PPP2R2B: variants seen among roughly 807,000 people sequenced by gnomAD.
The protein encoded by PPP2R2B is protein phosphatase 2 regulatory subunit Bbeta.
PPP2R2B carries 5 observed loss-of-function variants against 46.0 expected under a neutral mutation model. The ratio of observed to expected loss-of-function variants is 0.11; its 90% CI spans 0.06 to 0.23. The LOEUF (loss-of-function observed/expected upper bound fraction) is 0.23. Ranked by LOEUF, PPP2R2B falls within the 10% of genes least tolerant of loss-of-function variation. The pLI, the probability that PPP2R2B is intolerant of heterozygous loss-of-function variation, is 1.00. For missense variants in PPP2R2B, 367 were observed against 575.0 expected (o/e 0.64, Z 3.70); for synonymous variants, 215 against 206.7 (o/e 1.04, Z -0.34).
chr5:146,723,316 C>T (rs555007755), intron 2 of PPP2R2B, among the ~76,000 whole-genome samples: 7 of 152,144 alleles, frequency 4.6e-5, no homozygotes, highest in Non-Finnish European at 5.9e-5. Context: ...TGCTACATCC[C>T]GTCAGTCATT....
intron 1 of PPP2R2B, among the ~76,000 whole-genome samples, chr5:146,974,606 G>A (rs1752811781): frequency 6.6e-6 from 1 of 151,958 alleles, no homozygotes. Context: ...CATAATCCTA[G>A]GCACAAACTA....
chr5:146,590,125 C>T lies in PPP2R2B; in HGVS notation c.1154G>A (p.Arg385Gln), dbSNP rs772255940. The change falls in exon 10 of 10, where the codon CGG (arginine) becomes CAG (glutamine). Residue 385 changes from arginine (R) to glutamine (Q), a missense_variant. Arg to Gln is a conservative substitution (Grantham distance 43). Around this residue, in one of 2 missense-constraint regions of PPP2R2B, gnomAD observed 361 missense variants for 545.5 expected, o/e 0.66. Transcript: ENST00000394411. ...CACTTTTCGGGGTTTGAGGATAGCC[C>T]GGGGCTTGCTGTTTTCCCTCGAAGC... ...LEASRENSKP[R>Q]AILKPRKVCV... 17 of 1,614,062 alleles carry T rather than the reference C, an allele frequency of 1.1e-5. No individual in the cohort carries two copies. Among genetic ancestry groups the T allele is most frequent in the South Asian group, 1.1e-5 (1 of 91,070 alleles).
chr5:146,683,514 T>C (rs1034150543), intron 5 of PPP2R2B, among the ~76,000 whole-genome samples: 1 of 152,198 alleles, frequency 6.6e-6, no homozygotes, highest in African/African-American at 2.4e-5. Flanking sequence ...TAGGTTTATC[T>C]TGAAGATTAA....
At position 146,620,555 on chromosome 5, in the gene PPP2R2B, T is replaced by C. The variant is rs77333112; in HGVS notation, c.790+17696A>G. On this transcript the variant is annotated intron_variant, in intron 7 of 9. Transcript: ENST00000394411. ...TTTATGAGCGCTCATATTTGGTCTTTCACTCTCTGCAAGGTTGGTGAGTGG... is the reference window on the plus strand; with the variant it reads ...TTTATGAGCGCTCATATTTGGTCTTCCACTCTCTGCAAGGTTGGTGAGTGG... Among the ~76,000 whole-genome samples, 1,195 of 152,270 alleles carry C rather than the reference T, an allele frequency of 7.8e-3. 19 individuals are homozygous for C. Among genetic ancestry groups the C allele is most frequent in the African/African-American group, 0.027 (1,129 of 41,552 alleles).
At chr5:146,691,386 A>C (rs1371943055) in intron 4 of PPP2R2B, 146 bp from the exon 5 acceptor site, 2 of 615,778 alleles carry the variant, frequency 3.2e-6, no homozygotes, top group East Asian at 5.6e-5. Context: ...GGCGTGCATA[A>C]ATCCCATGTC....
intron 1 of PPP2R2B, among the ~76,000 whole-genome samples, chr5:146,947,071 G>T (rs1240503122): frequency 6.6e-6 from 1 of 152,060 alleles, no homozygotes; most frequent in African/African-American, 2.4e-5. Context: ...ATCTACACAA[G>T]GTCAGTAATC....
chr5:146,808,269 G>T (rs1757310440), intron 2 of PPP2R2B, among the ~76,000 whole-genome samples: 1 of 152,148 alleles, frequency 6.6e-6, no homozygotes, highest in Non-Finnish European at 1.5e-5. Flanking sequence ...TGCACTAGAT[G>T]ACATTTCAAG....
At chr5:146,674,169 C>T (rs1777559517) in intron 5 of PPP2R2B, among the ~76,000 whole-genome samples, 2 of 152,278 alleles carry the variant, frequency 1.3e-5, no homozygotes, top group Admixed American at 6.5e-5. Context: ...AAGCCAGATA[C>T]TGTGCTAATA....
At chr5:146,807,401 C>G (rs892901716) in intron 2 of PPP2R2B, among the ~76,000 whole-genome samples, 4 of 152,140 alleles carry the variant, frequency 2.6e-5, no homozygotes, top group Admixed American at 2.6e-4. Context: ...TGGTTCTTCC[C>G]TATCTTTTTC....
Position 146,639,775 on chromosome 5 carries a change from T to C in PPP2R2B, c.626-1360A>G, listed in dbSNP as rs148099442. 3.7e-3 allele frequency among the ~76,000 whole-genome samples: 567 copies of C among 152,362 alleles called. 4 individuals carry two copies. Among genetic ancestry groups the C allele is most frequent in the South Asian group, 0.017 (80 of 4,826 alleles). The stretch of plus-strand genomic sequence containing the variant: ...CTTTAAATTGATTCACTTTTTTCTT[T>C]ACTTAGCTTTATCTAAACAGTAACC... On this transcript the variant is annotated intron_variant, in intron 6 of 9. Transcript: ENST00000394411.
intron 2 of PPP2R2B, among the ~76,000 whole-genome samples, chr5:146,842,217 G>A (rs1041371992): frequency 6.6e-6 from 1 of 152,068 alleles, no homozygotes; most frequent in African/African-American, 2.4e-5. Flanking sequence ...CTGAGGAATC[G>A]ACTTCATGGG....
chr5:146,706,522 G>C, intron 2 of PPP2R2B: 1 of 1,183,300 alleles, frequency 8.5e-7, no homozygotes, highest in South Asian at 1.2e-5. Context: ...CGCAGCTGCC[G>C]CGCCATGTCC....
chr5:146,991,939 A>G (rs536357188), intron 1 of PPP2R2B, among the ~76,000 whole-genome samples: 3 of 152,294 alleles, frequency 2.0e-5, no homozygotes, highest in South Asian at 4.1e-4. Context: ...TAAAATATTT[A>G]TTCTTGCCAA....
intron 1 of PPP2R2B, among the ~76,000 whole-genome samples, chr5:146,932,110 A>G (rs1763988589): frequency 6.6e-6 from 1 of 152,200 alleles, no homozygotes; most frequent in African/African-American, 2.4e-5. Flanking sequence ...CCATTCATTC[A>G]GTAACTATTT....
chr5:147,010,338 A>T (rs1023281356), intron 1 of PPP2R2B, among the ~76,000 whole-genome samples: 12 of 152,166 alleles, frequency 7.9e-5, no homozygotes, highest in Admixed American at 2.0e-4. Flanking sequence ...GGATGGTTCA[A>T]GTGCATTACA....
At chr5:146,789,647 G>C (rs1176199775) in intron 2 of PPP2R2B, among the ~76,000 whole-genome samples, 4 of 151,992 alleles carry the variant, frequency 2.6e-5, no homozygotes, top group Non-Finnish European at 5.9e-5. Context: ...GGAGAGAGAG[G>C]CAATACATCT....
intron 2 of PPP2R2B, among the ~76,000 whole-genome samples, chr5:146,850,833 G>A (rs938572666): frequency 2.0e-5 from 3 of 152,040 alleles, no homozygotes; most frequent in Non-Finnish European, 4.4e-5. Flanking sequence ...TAACCCCATA[G>A]CTGGTATACA....
At chr5:146,842,734 A>G (rs1055454793) in intron 2 of PPP2R2B, among the ~76,000 whole-genome samples, 7 of 152,194 alleles carry the variant, frequency 4.6e-5, no homozygotes, top group East Asian at 1.9e-4. Flanking sequence ...AAGTGAGAAC[A>G]TGCCATATTT....
At chr5:146,968,015 A>G (rs555351700) in intron 1 of PPP2R2B, among the ~76,000 whole-genome samples, 6 of 152,310 alleles carry the variant, frequency 3.9e-5, no homozygotes, top group South Asian at 2.1e-4. Context: ...CCAAGGCCCC[A>G]TGAATCTAGA....
Sources: gnomAD v4.1 joint callset for allele counts (sites outside exome capture counted in the v4.1 genomes callset) on GRCh38, gnomAD v4.1.1 for gene constraint, gnomAD v4.1.1 regional missense constraint, MANE v1.5 for transcripts, NCBI Gene and HGNC (gene_info 2026-07-23, HGNC 2026-07-21) for gene names.